GRM8: variants seen among roughly 807,000 people sequenced by gnomAD.
The protein encoded by GRM8 is glutamate metabotropic receptor 8.
A neutral mutation model predicts 87.2 loss-of-function variants in GRM8; 47 were observed. That is an observed-to-expected ratio of 0.54 (90% CI 0.43 to 0.69). The LOEUF is 0.69. Among genes scored for constraint, GRM8 ranks in the 30% least tolerant of loss-of-function variants. GRM8 has a pLI of 0.00. For missense variants in GRM8, 1,019 were observed against 1,139.2 expected (o/e 0.89, Z 1.52); for synonymous variants, 396 against 404.5 (o/e 0.98, Z 0.25).
At chr7:126,535,161 T>A (rs1355068893) in intron 8 of GRM8, among the ~76,000 whole-genome samples, 1 of 152,224 alleles carries the variant, frequency 6.6e-6, no homozygotes, top group East Asian at 1.9e-4. Flanking sequence ...TGGCCCCCAA[T>A]AACCTCACTT....
chr7:126,646,932 T>C (rs966575811), intron 7 of GRM8, among the ~76,000 whole-genome samples: 6 of 152,178 alleles, frequency 3.9e-5, no homozygotes, highest in African/African-American at 1.4e-4. Context: ...ATTTCCTGCA[T>C]ACAGTGGCCA....
chr7:126,892,035 A>AAAC (rs1404734178), intron 6 of GRM8, among the ~76,000 whole-genome samples: 3 of 151,126 alleles, frequency 2.0e-5, no homozygotes, highest in Non-Finnish European at 4.4e-5. Flanking sequence ...AAAAAAAAAA[A>AAAC]AAAAAAAACC....
At position 126,506,545 on chromosome 7, in the gene GRM8, C is replaced by G. The variant is rs190282567; in HGVS notation, c.2430+26407G>C. Among the ~76,000 whole-genome samples, 5 of 152,020 alleles carry G rather than the reference C, an allele frequency of 3.3e-5. No individual in the cohort carries two copies. In the East Asian group the frequency reaches 5.8e-4, roughly 18 times the overall value. ...TTTCCTCCCCAGCACCTTGAGAGGCCCAGGCGGGCAGATCACTTGAGGTCA... is the reference window on the plus strand; with the variant it reads ...TTTCCTCCCCAGCACCTTGAGAGGCGCAGGCGGGCAGATCACTTGAGGTCA... On this transcript the variant is annotated intron_variant, in intron 9 of 10. Coordinates refer to ENST00000339582, the MANE Select transcript of GRM8 (RefSeq NM_000845.3).
chr7:126,771,760 A>C (rs1818864700), intron 6 of GRM8, among the ~76,000 whole-genome samples: 1 of 152,112 alleles, frequency 6.6e-6, no homozygotes, highest in Admixed American at 6.6e-5. Flanking sequence ...CAATATATGT[A>C]AAACAAGGCT....
chr7:127,055,046 A>G (rs1819852102), intron 3 of GRM8, among the ~76,000 whole-genome samples: 1 of 152,158 alleles, frequency 6.6e-6, no homozygotes, highest in Admixed American at 6.5e-5. Context: ...AATTTCTGTA[A>G]TAATAGAAAT....
At chr7:126,716,226 T>G (rs1287305338) in intron 7 of GRM8, among the ~76,000 whole-genome samples, 1 of 145,432 alleles carries the variant, frequency 6.9e-6, no homozygotes, top group Admixed American at 6.9e-5. Context: ...TTCAAAACAG[T>G]TTTTTTTTTT....
chr7:127,089,474 T>A (rs1430872573), intron 3 of GRM8, among the ~76,000 whole-genome samples: 1 of 152,210 alleles, frequency 6.6e-6, no homozygotes, highest in Non-Finnish European at 1.5e-5. Context: ...GCTGGCAGTA[T>A]GCAAGCCTAC....
chr7:127,224,353 G>A (rs549882696), intron 2 of GRM8, among the ~76,000 whole-genome samples: 214 of 152,296 alleles, frequency 1.4e-3, no homozygotes, highest in African/African-American at 4.9e-3. Flanking sequence ...GAATGACAGA[G>A]GATTTCGCAA....
intron 6 of GRM8, among the ~76,000 whole-genome samples, chr7:126,786,665 T>C (rs957238794): frequency 1.3e-5 from 2 of 152,320 alleles, no homozygotes; most frequent in Middle Eastern, 3.4e-3. Flanking sequence ...CCTTGTCCTT[T>C]ATTTTTAGTA....
chr7:127,164,192 T>C (rs942987156), intron 2 of GRM8, among the ~76,000 whole-genome samples: 2 of 152,118 alleles, frequency 1.3e-5, no homozygotes, highest in African/African-American at 2.4e-5. Flanking sequence ...CTGCTCCCCC[T>C]TTGCCTTCCA....
chr7:126,472,610 T>A (rs1211378449), intron 9 of GRM8, among the ~76,000 whole-genome samples: 1 of 152,172 alleles, frequency 6.6e-6, no homozygotes, highest in South Asian at 2.1e-4. Context: ...GAAAACCCAT[T>A]TTCTGAGGAG....
At chr7:126,829,115 C>A (rs1795099883) in intron 6 of GRM8, among the ~76,000 whole-genome samples, 1 of 151,274 alleles carries the variant, frequency 6.6e-6, no homozygotes, top group South Asian at 2.1e-4. Context: ...GAGAGCTTTA[C>A]TTCCAACTAT....
At chr7:126,491,085 A>T (rs1807953572) in intron 9 of GRM8, among the ~76,000 whole-genome samples, 1 of 152,072 alleles carries the variant, frequency 6.6e-6, no homozygotes. Context: ...TGATCAGTGA[A>T]GTTTGTTGAA....
In GRM8 at chr7:127,113,563, C is replaced by G. The variant is rs1010393452; in HGVS notation, c.511-6851G>C. ...GAACTTAATTGGTGAAGTAGGTTGGCGGGGTGGGTTCTTTGTGCTACTCAA... is the reference window on the plus strand; with the variant it reads ...GAACTTAATTGGTGAAGTAGGTTGGGGGGGTGGGTTCTTTGTGCTACTCAA... On this transcript the variant is annotated intron_variant, in intron 2 of 10. Transcript: ENST00000339582. 9.9e-5 allele frequency among the ~76,000 whole-genome samples: 15 copies of G among 152,048 alleles called. 2 individuals are homozygous for G. The South Asian group carries it at 3.1e-3, about 32-fold the overall frequency.
At chr7:126,551,835 C>T (rs925093116) in intron 8 of GRM8, among the ~76,000 whole-genome samples, 1 of 152,038 alleles carries the variant, frequency 6.6e-6, no homozygotes. Context: ...GATAAAAATA[C>T]TCTTAACATT....
At chr7:127,153,977 G>A (rs185932914) in intron 2 of GRM8, among the ~76,000 whole-genome samples, 128 of 152,196 alleles carry the variant, frequency 8.4e-4, no homozygotes, top group East Asian at 2.7e-3. Flanking sequence ...GTGAGGGGAC[G>A]TGAGGAGCAC....
At chr7:126,891,392 T>C (rs1248353750) in intron 6 of GRM8, among the ~76,000 whole-genome samples, 1 of 152,004 alleles carries the variant, frequency 6.6e-6, no homozygotes, top group East Asian at 1.9e-4. Flanking sequence ...GCCAGAATAA[T>C]CTTTCTAAGA....
intron 3 of GRM8, among the ~76,000 whole-genome samples, chr7:127,014,250 C>G (rs1363624362): frequency 1.3e-5 from 2 of 152,158 alleles, no homozygotes; most frequent in Non-Finnish European, 2.9e-5. Flanking sequence ...TATTTTCTAG[C>G]ACACCATCGC....
intron 8 of GRM8, among the ~76,000 whole-genome samples, chr7:126,555,898 G>A (rs1236195542): frequency 6.6e-6 from 1 of 152,172 alleles, no homozygotes; most frequent in Non-Finnish European, 1.5e-5. Context: ...TTGATTGACT[G>A]TAAAAGGACA....
Sources: gnomAD v4.1 joint callset for allele counts (sites outside exome capture counted in the v4.1 genomes callset) on GRCh38, gnomAD v4.1.1 for gene constraint, MANE v1.5 for transcripts, NCBI Gene and HGNC (gene_info 2026-07-23, HGNC 2026-07-21) for gene names.